KCNQ1: variants seen among roughly 807,000 people sequenced by gnomAD.
KCNQ1 encodes the protein potassium voltage-gated channel subfamily KQT member 1.
A neutral mutation model predicts 72.4 loss-of-function variants in KCNQ1; 49 were observed. The observed-to-expected ratio is 0.68, with a 90% CI of 0.54 to 0.86. The LOEUF is 0.86. Ranked by LOEUF, KCNQ1 falls within the 40% of genes least tolerant of loss-of-function variation. The pLI, the probability that KCNQ1 is intolerant of heterozygous loss-of-function variation, is 0.00. For synonymous variants in KCNQ1, 450 were observed against 412.6 expected, an observed-to-expected ratio of 1.09 and a Z score of -1.10; for missense variants, 790 against 945.1, an observed-to-expected ratio of 0.84 and a Z score of 2.15.
Position 2,571,359 on chromosome 11 carries a change from C to T in KCNQ1, c.639C>T (p.Leu213=), listed in dbSNP as rs913261020. 1.2e-6 allele frequency: 2 copies of T among 1,613,216 alleles called. No homozygotes were observed. The highest frequency in any genetic ancestry group is 1.3e-5 in the African/African-American group (1 of 75,050). ...LIVVVASMVV[L]CVGSKGQVFA... is the part of the protein sequence containing the mutation. ...TGGTCGTGGCCTCCATGGTGGTCCT[C>T]TGCGTGGGCTCCAAGGGGCAGGTGT... The change falls in exon 4 of 16, where the codon CTC becomes CTT. Residue 213 remains leucine (L), a synonymous_variant. Transcript: ENST00000155840.
intron 10 of KCNQ1, chr11:2,640,587 CATA>C (rs1849558292): frequency 2.5e-6 from 1 of 392,836 alleles, no homozygotes; most frequent in Non-Finnish European, 4.4e-6. Flanking sequence ...TTGACCGATA[CATA>C]ATACTTATGG....
In KCNQ1 at chr11:2,620,223, T is replaced by TA. The variant is rs1849145971; in HGVS notation, c.1393+31370dup. On this transcript the variant is annotated intron_variant, in intron 10 of 15. Transcript: ENST00000155840. This position sits in a 1 kb window ranked among gnomAD's most constrained non-coding sequence, Gnocchi z 4.5. The stretch of plus-strand genomic sequence containing the variant: ...TGTATATATATATATTTTTTTTTTT[T>TA]ATTTTTTTTTTAGACGGAGTTTCGC... 1 of 270,922 alleles carries TA rather than the reference T, an allele frequency of 3.7e-6. No individual in the cohort carries two copies. The highest frequency in any genetic ancestry group is 6.7e-6 in the Non-Finnish European group (1 of 150,316). 16.8% of individuals were successfully genotyped at this position (270,922 alleles called of 1,614,324 possible).
In KCNQ1 at chr11:2,768,306, G is replaced by T. The variant is rs1344614741; in HGVS notation, c.1515-538G>T. ...TTTATTTCTAGAAGAAACTTTAGGA[G>T]GCAAAAACAGCGCAGCCCCCTTAAC... On this transcript the variant is annotated intron_variant, in intron 11 of 15. Coordinates refer to ENST00000155840, the MANE Select transcript of KCNQ1 (RefSeq NM_000218.3). This position sits in a 1 kb window ranked among gnomAD's most constrained non-coding sequence, Gnocchi z 6.7. Among the ~76,000 whole-genome samples, 1 of 152,218 alleles carries T rather than the reference G, an allele frequency of 6.6e-6. No individual in the cohort carries two copies. The highest frequency in any genetic ancestry group is 6.5e-5 in the Admixed American group (1 of 15,292).
At position 2,695,116 on chromosome 11, in the gene KCNQ1, T is replaced by C; in HGVS notation, c.1514+33035T>C. On this transcript the variant is annotated intron_variant, in intron 11 of 15. Coordinates refer to ENST00000155840, the MANE Select transcript of KCNQ1 (RefSeq NM_000218.3). This position sits in a 1 kb window ranked among gnomAD's most constrained non-coding sequence, Gnocchi z 5.2. Reference sequence around the variant, plus strand: ...CACTAGAGGGTATCTGGCAGGAGAGTCATGGAGGCACATTCATTCGTTGGT... The same window carrying C: ...CACTAGAGGGTATCTGGCAGGAGAGCCATGGAGGCACATTCATTCGTTGGT... 1 of 398,480 alleles carries C rather than the reference T, an allele frequency of 2.5e-6. No individual in the cohort carries two copies. Among genetic ancestry groups the C allele is most frequent in the Non-Finnish European group, 4.4e-6 (1 of 226,068 alleles). 24.7% of individuals were successfully genotyped at this position (398,480 alleles called of 1,614,324 possible).
intron 11 of KCNQ1, among the ~76,000 whole-genome samples, chr11:2,701,459 G>A (rs1370583745): frequency 2.0e-5 from 3 of 152,140 alleles, no homozygotes; most frequent in African/African-American, 7.2e-5. Context: ...TATCTAGCTG[G>A]GAAGTTTTTG....
chr11:2,847,836 G>A lies in KCNQ1; in HGVS notation c.1864G>A (p.Gly622Ser), dbSNP rs1225780996. ...MLHQLLSLHG[G>S]STPGSGGPPR... ...TCACCAGCTGCTCTCCTTGCACGGT[G>A]GCAGCACCCCCGGCAGCGGCGGCCC... Residue 622 changes from glycine to serine, a missense_variant, in exon 16 of 16, where the codon GGC (glycine) becomes AGC (serine). By Grantham distance (56) the Gly-to-Ser change is moderately conservative. This residue lies in a region of KCNQ1 where 94 missense variants were observed against 85.2 expected (regional missense o/e 1.10). Coordinates refer to ENST00000155840, the MANE Select transcript of KCNQ1 (RefSeq NM_000218.3). 16 of 1,569,170 alleles carry A rather than the reference G, an allele frequency of 1.0e-5. No individual in the cohort carries two copies. The highest frequency in any genetic ancestry group is 1.3e-5 in the Non-Finnish European group (15 of 1,156,762).
intron 10 of KCNQ1, chr11:2,628,412 C>G: frequency 2.5e-6 from 1 of 398,400 alleles, no homozygotes; most frequent in Non-Finnish European, 4.4e-6. Context: ...TTTTTATATA[C>G]CTGTTGACCA....
chr11:2,524,989 TG>T (rs1046722875), intron 1 of KCNQ1, among the ~76,000 whole-genome samples: 9 of 152,158 alleles, frequency 5.9e-5, no homozygotes, highest in African/African-American at 1.9e-4. Context: ...CCCTGCTCAC[TG>T]CAAATCAAAA....
At chr11:2,688,039 C>T in intron 11 of KCNQ1, 1 of 398,756 alleles carries the variant, frequency 2.5e-6, no homozygotes, top group East Asian at 3.6e-5. Flanking sequence ...CAGGCACACA[C>T]TCCACTCAGC....
rs935240332 is a variant in KCNQ1 at position 2,750,875 on chromosome 11, G to A, written c.1515-17969G>A. ...TGAGGGCTGACAGCCTGCGACAAAC[G>A]TCCTCATAATCTCCCCAGGATTTAA... is the stretch of plus-strand genomic sequence containing the variant. On this transcript the variant is annotated intron_variant, in intron 11 of 15. Transcript: ENST00000155840. This position sits in a 1 kb window ranked among gnomAD's most constrained non-coding sequence, Gnocchi z 6.3. 6.6e-6 allele frequency among the ~76,000 whole-genome samples: 1 copy of A among 152,122 alleles called. No individual in the cohort carries two copies. The highest frequency in any genetic ancestry group is 1.5e-5 in the Non-Finnish European group (1 of 68,024).
rs1215568825 is a variant in KCNQ1, at chr11:2,475,110, A to G, written c.386+29626A>G. Reference sequence around the variant, plus strand: ...GTCTTTCTAATTCCTGAACATTTCCATCATCCGCAAGAGGAAATTAGCAGT... The same window carrying G: ...GTCTTTCTAATTCCTGAACATTTCCGTCATCCGCAAGAGGAAATTAGCAGT... On this transcript the variant is annotated intron_variant, in intron 1 of 15. Transcript: ENST00000155840. The surrounding 1 kb of genome is among the most constrained non-coding windows in gnomAD (Gnocchi z 5.8). Among the ~76,000 whole-genome samples, 1 of 152,108 alleles carries G rather than the reference A, an allele frequency of 6.6e-6. No homozygotes were observed. The highest frequency in any genetic ancestry group is 2.4e-5 in the African/African-American group (1 of 41,416).
At chr11:2,625,831 A>G (rs1849253093) in intron 10 of KCNQ1, 3 of 398,404 alleles carry the variant, frequency 7.5e-6, no homozygotes, top group Non-Finnish European at 1.3e-5. Context: ...AGCCTCCCAA[A>G]GTACTGGGAT....
intron 11 of KCNQ1, chr11:2,699,454 C>A (rs952775730): frequency 4.0e-5 from 16 of 400,852 alleles, no homozygotes; most frequent in Admixed American, 8.9e-5. Context: ...CACTGAGGAG[C>A]CGCCGGGAGA....
intron 11 of KCNQ1, among the ~76,000 whole-genome samples, chr11:2,753,045 A>G (rs979236680): frequency 6.6e-6 from 1 of 152,152 alleles, no homozygotes; most frequent in African/African-American, 2.4e-5. Flanking sequence ...GCTTAGTGTC[A>G]TGTGTGATGC....
Position 2,657,988 on chromosome 11 carries a change from C to T in KCNQ1, c.1394-3973C>T. On this transcript the variant is annotated intron_variant, in intron 10 of 15. Transcript: ENST00000155840. The surrounding 1 kb of genome is among the most constrained non-coding windows in gnomAD (Gnocchi z 4.8). ...AAGTGGTGTCGGCCAGGCTCCTCCA[C>T]TGTAAGTGAATAGCTGTTTTTCCCT... 2.5e-6 allele frequency: 1 copy of T among 398,594 alleles called. No homozygotes were observed. The highest frequency in any genetic ancestry group is 4.4e-6 in the Non-Finnish European group (1 of 226,060). 24.7% of individuals were successfully genotyped at this position (398,594 alleles called of 1,614,324 possible). A position where few individuals can be genotyped will look rare whatever the true frequency, so the allele number is the denominator to read the frequency against.
Position 2,779,156 on chromosome 11 carries a change from G to A in KCNQ1, c.1794+1119G>A, listed in dbSNP as rs1195733497. Among the ~76,000 whole-genome samples the A allele has an allele frequency of 4.6e-5, 7 of 152,234 alleles. No individual in the cohort carries two copies. The East Asian group carries it at 1.3e-3, about 29-fold the overall frequency. On this transcript the variant is annotated intron_variant, in intron 15 of 15. Transcript: ENST00000155840. ...GCAGGGCTGGTGCAGACCTTTGCCA[G>A]GCAGATGGCCCAGTGGGAGATAGCG...
rs1303783478 is a variant in KCNQ1, at chr11:2,450,967, A to G, written c.386+5483A>G. On this transcript the variant is annotated intron_variant, in intron 1 of 15. Transcript: ENST00000155840. This position sits in a 1 kb window ranked among gnomAD's most constrained non-coding sequence, Gnocchi z 7.9. ...TGGCTGGAGGTGGGGAAGATCCATG[A>G]TGGGACCCAGGTGTCTTCCCACTTC... Among the ~76,000 whole-genome samples, 6 of 152,094 alleles carry G rather than the reference A, an allele frequency of 3.9e-5. No homozygotes were observed. The highest frequency in any genetic ancestry group is 1.4e-4 in the African/African-American group (6 of 41,414).
chr11:2,532,988 A>T (rs1847666606), intron 2 of KCNQ1, among the ~76,000 whole-genome samples: 1 of 152,096 alleles, frequency 6.6e-6, no homozygotes, highest in South Asian at 2.1e-4. Context: ...GCAACTCAGG[A>T]GCTGCTGGCA....
intron 10 of KCNQ1, chr11:2,619,160 C>A: frequency 2.5e-6 from 1 of 398,390 alleles, no homozygotes; most frequent in Non-Finnish European, 4.4e-6. Flanking sequence ...ATTTGAATGT[C>A]TTTCATTTCT....
Sources: gnomAD v4.1 joint callset for allele counts (sites outside exome capture counted in the v4.1 genomes callset) on GRCh38, gnomAD v4.1.1 for gene constraint, gnomAD v4.1.1 regional missense constraint, Gnocchi (gnomAD v3.1) non-coding constraint, MANE v1.5 for transcripts, NCBI Gene and HGNC (gene_info 2026-07-23, HGNC 2026-07-21) for gene names.